TRIM23: variants seen among roughly 807,000 people sequenced by gnomAD.
TRIM23 encodes the protein E3 ubiquitin-protein ligase TRIM23.
Under a neutral mutation model 71.0 loss-of-function variants are expected in TRIM23, and 27 were observed. The observed-to-expected ratio is 0.38, with a 90% CI of 0.28 to 0.52. The LOEUF (loss-of-function observed/expected upper bound fraction) is 0.52. Ranked by LOEUF, TRIM23 falls within the 20% of genes least tolerant of loss-of-function variation. The pLI is 0.84. For synonymous variants in TRIM23, 234 were observed against 238.0 expected (o/e 0.98, Z 0.16); for missense variants, 482 against 692.3 (o/e 0.70, Z 3.41).
At chr5:65,619,417 A>G (rs979997014) in intron 1 of TRIM23, among the ~76,000 whole-genome samples, 6 of 152,220 alleles carry the variant, frequency 3.9e-5, no homozygotes, top group Admixed American at 6.5e-5. Flanking sequence ...CCAAGTACCT[A>G]CTGCTTACAT....
intron 2 of TRIM23, among the ~76,000 whole-genome samples, chr5:65,616,489 C>T (rs774164766): frequency 7.9e-5 from 12 of 151,030 alleles, no homozygotes; most frequent in Non-Finnish European, 1.6e-4. Flanking sequence ...TAAAAATACA[C>T]AAATTAGTCA....
At chr5:65,620,344 A>C (rs1434807244) in intron 1 of TRIM23, among the ~76,000 whole-genome samples, 1 of 152,174 alleles carries the variant, frequency 6.6e-6, no homozygotes, top group African/African-American at 2.4e-5. Flanking sequence ...CGTGTGACAA[A>C]ATCTGTATGT....
chr5:65,591,427 A>G lies in TRIM23; in HGVS notation c.*342T>C, dbSNP rs1754022182. 1 of 1,591,720 alleles carries G rather than the reference A, an allele frequency of 6.3e-7. No homozygotes were observed. Among genetic ancestry groups the G allele is most frequent in the Non-Finnish European group, 8.5e-7 (1 of 1,170,164 alleles). ...TCAATTGGCTATTCTTTTTTCACTG[A>G]AAGAATAAACCTTCACTTACCCTTT... On this transcript the variant is annotated 3_prime_UTR_variant, in exon 11 of 11. Transcript: ENST00000231524.
At chr5:65,615,748 GA>G (rs1754761581) in intron 2 of TRIM23, among the ~76,000 whole-genome samples, 1 of 152,156 alleles carries the variant, frequency 6.6e-6, no homozygotes, top group African/African-American at 2.4e-5. Context: ...ACTATATAAT[GA>G]ATATATACAA....
rs202103638 is a variant in TRIM23 at position 65,615,985 on chromosome 5, AAGG to A, written c.245-1769_245-1767del. Among the ~76,000 whole-genome samples, 1,075 of 152,296 alleles carry A rather than the reference AAGG, an allele frequency of 7.1e-3. 9 individuals are homozygous for A. The highest frequency in any genetic ancestry group is 0.024 in the African/African-American group (1,017 of 41,544). Reference sequence around the variant, plus strand: ...ACCATCTGGACCACCTCACTGCAGCAAGGAGAAGAATTTACTTTGAAAATCATA... The same window carrying A: ...ACCATCTGGACCACCTCACTGCAGCAAGAAGAATTTACTTTGAAAATCATA... On this transcript the variant is annotated intron_variant, in intron 2 of 10. Transcript: ENST00000231524.
intron 6 of TRIM23, among the ~76,000 whole-genome samples, 174 bp from the exon 7 acceptor site, chr5:65,605,219 G>A (rs938801797): frequency 3.3e-5 from 5 of 152,224 alleles, no homozygotes; most frequent in East Asian, 1.9e-4. Context: ...ACTTAGCAAC[G>A]AAAGAATGGA....
At chr5:65,608,017 T>G (rs531203696) in intron 6 of TRIM23, among the ~76,000 whole-genome samples, 2 of 152,348 alleles carry the variant, frequency 1.3e-5, no homozygotes, top group East Asian at 3.9e-4. Context: ...AAATAAAAAC[T>G]GTTAACTAGG....
chr5:65,609,382 T>G lies in TRIM23; in HGVS notation c.905A>C (p.Gln302Pro). ...AACAACACTTAGAGCCATTTCTTCT[T>G]GACGACACAGAGTTTCATGTAGATC... ...FYDLHETLCR[Q>P]EEMALSVVDA... Residue 302 changes from glutamine (Q) to proline (P), a missense_variant, in exon 6 of 11, where the codon CAA (glutamine) becomes CCA (proline). Around this residue, in one of 2 missense-constraint regions of TRIM23, gnomAD observed 307 missense variants for 495.8 expected, o/e 0.62. Coordinates refer to ENST00000231524, the MANE Select transcript of TRIM23 (RefSeq NM_001656.4). The G allele has an allele frequency of 6.2e-7, 1 of 1,614,158 alleles. No individual in the cohort carries two copies. The highest frequency in any genetic ancestry group is 1.3e-5 in the African/African-American group (1 of 75,058).
intron 8 of TRIM23, 120 bp downstream of exon 8, chr5:65,596,927 TGCTG>T: frequency 8.3e-7 from 1 of 1,210,324 alleles, no homozygotes. Flanking sequence ...TTCTCTGAGA[TGCTG>T]ATATCTTAGA....
intron 4 of TRIM23, among the ~76,000 whole-genome samples, chr5:65,611,355 G>A (rs905701210): frequency 6.6e-6 from 1 of 151,568 alleles, no homozygotes; most frequent in Non-Finnish European, 1.5e-5. Context: ...CAAGCAAACA[G>A]AATGTTTGTT....
chr5:65,606,382 G>A (rs62369059), intron 6 of TRIM23, among the ~76,000 whole-genome samples: 39,992 of 151,328 alleles, frequency 0.26, 5,884 homozygotes, highest in South Asian at 0.35. Flanking sequence ...GGAGGCAGAA[G>A]GTATAGTGAG....
At chr5:65,614,761 C>T (rs1291327292) in intron 2 of TRIM23, among the ~76,000 whole-genome samples, 1 of 149,978 alleles carries the variant, frequency 6.7e-6, no homozygotes, top group Non-Finnish European at 1.5e-5. Context: ...AATCTAAATA[C>T]ACATAAAAAA....
At chr5:65,615,827 C>T (rs1754764872) in intron 2 of TRIM23, among the ~76,000 whole-genome samples, 1 of 152,166 alleles carries the variant, frequency 6.6e-6, no homozygotes, top group African/African-American at 2.4e-5. Flanking sequence ...GTCAAAACAA[C>T]TCTATAATCT....
Position 65,590,945 on chromosome 5 carries a change from A to G in TRIM23, c.*824T>C. ...TCATTCCCACAAAGGATGCAATATT[A>G]TATTAGAAAGAAATATTACTTTAAA... On this transcript the variant is annotated 3_prime_UTR_variant, in exon 11 of 11. Coordinates refer to ENST00000231524, the MANE Select transcript of TRIM23 (RefSeq NM_001656.4). The G allele has an allele frequency of 1.0e-6, 1 of 984,934 alleles. No individual in the cohort carries two copies. The highest frequency in any genetic ancestry group is 1.2e-6 in the Non-Finnish European group (1 of 829,436). 61.0% of individuals were successfully genotyped at this position (984,934 alleles called of 1,614,324 possible).
chr5:65,608,403 G>GT (rs1429432877), intron 6 of TRIM23, among the ~76,000 whole-genome samples: 5 of 152,164 alleles, frequency 3.3e-5, no homozygotes, highest in African/African-American at 1.2e-4. Context: ...ATTCAGTGTG[G>GT]TAAGGACTAA....
At chr5:65,605,210 C>A (rs927461215) in intron 6 of TRIM23, among the ~76,000 whole-genome samples, 165 bp from the exon 7 acceptor site, 3 of 152,112 alleles carry the variant, frequency 2.0e-5, no homozygotes, top group Non-Finnish European at 4.4e-5. Flanking sequence ...AATTTAAGGA[C>A]TTAGCAACGA....
chr5:65,613,973 A>G, intron 3 of TRIM23, 125 bp downstream of exon 3: 2 of 1,536,346 alleles, frequency 1.3e-6, no homozygotes, highest in South Asian at 2.5e-5. Context: ...CTGTAATGTA[A>G]TGAAAAGTTG....
chr5:65,620,180 T>C (rs1754891552), intron 1 of TRIM23, among the ~76,000 whole-genome samples: 1 of 152,058 alleles, frequency 6.6e-6, no homozygotes, highest in Non-Finnish European at 1.5e-5. Context: ...TTAGTGAAGG[T>C]GTGGGAAAGC....
At chr5:65,624,149 G>C in intron 1 of TRIM23, 45 bp downstream of exon 1, 1 of 1,611,924 alleles carries the variant, frequency 6.2e-7, no homozygotes, top group South Asian at 1.1e-5. Context: ...AGGATGAACC[G>C]AAGGGAGGCC....
Sources: gnomAD v4.1 joint callset for allele counts (sites outside exome capture counted in the v4.1 genomes callset) on GRCh38, gnomAD v4.1.1 for gene constraint, gnomAD v4.1.1 regional missense constraint, MANE v1.5 for transcripts, NCBI Gene and HGNC (gene_info 2026-07-23, HGNC 2026-07-21) for gene names.